The following AGBL1 variants were observed in gnomAD, a reference collection of about 807,000 sequenced individuals.
The protein encoded by AGBL1 is AGBL carboxypeptidase 1.
In AGBL1, 130 loss-of-function variants were observed where a neutral mutation model predicts 118.9. That is an observed-to-expected ratio of 1.09 (90% CI 0.95 to 1.26). The LOEUF (loss-of-function observed/expected upper bound fraction) is 1.26, where lower values mean the gene tolerates loss of function less well. Among genes scored for constraint, AGBL1 ranks in the 50% most tolerant of loss-of-function variants. The pLI is 0.00. For missense variants in AGBL1, 1,584 were observed against 1,298.1 expected (o/e 1.22, Z -3.38); for synonymous variants, 555 against 478.9 (o/e 1.16, Z -2.08).
chr15:86,538,263 C>T (rs1199715962), intron 19 of AGBL1, among the ~76,000 whole-genome samples: 1 of 152,152 alleles, frequency 6.6e-6, no homozygotes, highest in Admixed American at 6.5e-5. Flanking sequence ...AAGTCTGAGT[C>T]TCTCGCTTTG....
intron 5 of AGBL1, among the ~76,000 whole-genome samples, chr15:86,185,211 A>G (rs1173401157): frequency 2.0e-5 from 3 of 152,202 alleles, no homozygotes; most frequent in African/African-American, 7.2e-5. Context: ...ATGAGATACC[A>G]TCTCACACCA....
intron 24 of AGBL1, among the ~76,000 whole-genome samples, chr15:86,994,463 A>G (rs1199289314): frequency 6.6e-6 from 1 of 152,152 alleles, no homozygotes; most frequent in Non-Finnish European, 1.5e-5. Flanking sequence ...AAAAGAGAAA[A>G]TAACTAAAAG....
At chr15:86,625,385 G>A (rs2346720) in intron 21 of AGBL1, among the ~76,000 whole-genome samples, 1 of 68,198 alleles carries the variant, frequency 1.5e-5, no homozygotes, top group Non-Finnish European at 2.8e-5. Context: ...TTTTGTTTTT[G>A]TTTTTTTTTT....
intron 22 of AGBL1, among the ~76,000 whole-genome samples, chr15:86,788,629 A>G (rs2078448644): frequency 6.6e-6 from 1 of 152,226 alleles, no homozygotes; most frequent in Admixed American, 6.5e-5. Context: ...GTAAATAAAC[A>G]TACAAAATCA....
rs189257059 is a variant in AGBL1 at position 86,743,976 on chromosome 15, A to G, written c.3158+69540A>G. ...AGATAACTTAGAAGTAAAATAAATCATAATTTTCTGGGAAAATATTTTTTA... is the reference window on the plus strand; with the variant it reads ...AGATAACTTAGAAGTAAAATAAATCGTAATTTTCTGGGAAAATATTTTTTA... On this transcript the variant is annotated intron_variant, in intron 22 of 22. Coordinates refer to ENST00000614907, the MANE Select transcript of AGBL1 (RefSeq NM_001386094.1). Among the ~76,000 whole-genome samples, 39 of 152,252 alleles carry G rather than the reference A, an allele frequency of 2.6e-4. No individual in the cohort carries two copies. In the East Asian group the frequency reaches 7.3e-3, roughly 29 times the overall value.
At chr15:86,429,061 CA>C (rs1189520388) in intron 18 of AGBL1, among the ~76,000 whole-genome samples, 14 of 152,306 alleles carry the variant, frequency 9.2e-5, no homozygotes, top group African/African-American at 3.1e-4. Flanking sequence ...AACACATAGA[CA>C]ATATCCTTTC....
chr15:86,636,217 T>C (rs897511093), intron 21 of AGBL1, among the ~76,000 whole-genome samples: 1 of 152,022 alleles, frequency 6.6e-6, no homozygotes, highest in African/African-American at 2.4e-5. Flanking sequence ...TTCTACAAAT[T>C]TTATAACAGT....
intron 18 of AGBL1, among the ~76,000 whole-genome samples, chr15:86,517,283 T>G (rs887544915): frequency 6.6e-6 from 1 of 152,222 alleles, no homozygotes; most frequent in Non-Finnish European, 1.5e-5. Context: ...TAGAAAGCAC[T>G]GCTTCTTTCA....
intron 22 of AGBL1, among the ~76,000 whole-genome samples, chr15:86,827,938 C>CCTTTTTTTTTTTT (rs2079052519): frequency 6.0e-5 from 1 of 16,760 alleles, no homozygotes; most frequent in African/African-American, 2.0e-4. Flanking sequence ...TGATGTAGGG[C>CCTTTTTTTTTTTT]TTTTTTTTTT....
intron 22 of AGBL1, among the ~76,000 whole-genome samples, chr15:86,832,612 T>G (rs917425947): frequency 6.6e-6 from 1 of 152,168 alleles, no homozygotes; most frequent in African/African-American, 2.4e-5. Context: ...TGCTTCAGTT[T>G]CCAAAAAGTT....
At position 86,264,493 on chromosome 15, in the gene AGBL1, A is replaced by G. The variant is rs763719733; in HGVS notation, c.1322A>G (p.Asn441Ser). The change falls in exon 11 of 23, where the codon AAT becomes AGT. Residue 441 changes from asparagine to serine, a missense_variant. Coordinates refer to ENST00000614907, the MANE Select transcript of AGBL1 (RefSeq NM_001386094.1). Reference sequence around the variant, plus strand: ...AATCCTGGAGTGAACCTGTACCAAAATGTGCAATCCAATAGTCTCAGGAGA... The same window carrying G: ...AATCCTGGAGTGAACCTGTACCAAAGTGTGCAATCCAATAGTCTCAGGAGA... ...KKNPGVNLYQ[N>S]VQSNSLRRDS... 5.6e-6 allele frequency: 9 copies of G among 1,613,898 alleles called. No individual in the cohort carries two copies. The East Asian group carries it at 1.8e-4, about 32-fold the overall frequency.
intron 21 of AGBL1, among the ~76,000 whole-genome samples, chr15:86,645,999 G>T (rs752228023): frequency 6.6e-6 from 1 of 152,090 alleles, no homozygotes; most frequent in Non-Finnish European, 1.5e-5. Flanking sequence ...GGCTTGAGTC[G>T]GGAATATTTT....
Position 86,441,297 on chromosome 15 carries a change from T to TA in AGBL1, c.2555+43751_2555+43752insA, listed in dbSNP as rs550643796. Among the ~76,000 whole-genome samples, 7 of 152,198 alleles carry TA rather than the reference T, an allele frequency of 4.6e-5. No homozygotes were observed. The South Asian group carries it at 1.2e-3, about 27-fold the overall frequency. Reference sequence around the variant, plus strand: ...TAGTGAAGTCCGAATCTTACTTTTTTTAAAAAAAATATTGACCTAGTGTTT... The same window carrying TA: ...TAGTGAAGTCCGAATCTTACTTTTTTATAAAAAAAATATTGACCTAGTGTTT... On this transcript the variant is annotated intron_variant, in intron 18 of 22. Transcript: ENST00000614907.
intron 23 of AGBL1, among the ~76,000 whole-genome samples, chr15:86,957,068 T>C (rs1031097195): frequency 1.8e-4 from 28 of 152,146 alleles, no homozygotes; most frequent in African/African-American, 6.8e-4. Context: ...GGTCTGATGA[T>C]AAGGGCAATC....
At chr15:86,557,111 A>C (rs1040196269) in intron 21 of AGBL1, among the ~76,000 whole-genome samples, 4 of 152,234 alleles carry the variant, frequency 2.6e-5, no homozygotes, top group African/African-American at 7.2e-5. Flanking sequence ...TTTGGGATAC[A>C]GTCTCTGTTG....
intron 22 of AGBL1, among the ~76,000 whole-genome samples, chr15:86,723,447 T>C (rs1259403416): frequency 6.6e-6 from 1 of 151,974 alleles, no homozygotes; most frequent in African/African-American, 2.4e-5. Flanking sequence ...TAGGTGGGAA[T>C]TGAACAATGA....
At chr15:86,329,371 C>T (rs191577278) in intron 17 of AGBL1, among the ~76,000 whole-genome samples, 9 of 152,084 alleles carry the variant, frequency 5.9e-5, no homozygotes, top group African/African-American at 1.9e-4. Flanking sequence ...TGGAGCACTT[C>T]CTCACCAGGA....
intron 6 of AGBL1, among the ~76,000 whole-genome samples, chr15:86,232,562 G>A (rs1198333249): frequency 6.6e-6 from 1 of 152,150 alleles, no homozygotes; most frequent in Non-Finnish European, 1.5e-5. Flanking sequence ...GAGTTGGGAG[G>A]AGGCAGGGTG....
At chr15:86,229,996 CA>C (rs1476700979) in intron 6 of AGBL1, among the ~76,000 whole-genome samples, 1 of 152,074 alleles carries the variant, frequency 6.6e-6, no homozygotes, top group African/African-American at 2.4e-5. Context: ...GGCATGGGAA[CA>C]GAAAAGCAAG....
Sources: gnomAD v4.1 joint callset for allele counts (sites outside exome capture counted in the v4.1 genomes callset) on GRCh38, gnomAD v4.1.1 for gene constraint, MANE v1.5 for transcripts, NCBI Gene and HGNC (gene_info 2026-07-23, HGNC 2026-07-21) for gene names.